CHRNA7: variants seen among roughly 807,000 people sequenced by gnomAD.
CHRNA7 encodes cholinergic receptor nicotinic alpha 7 subunit, also known as neuronal acetylcholine receptor subunit alpha-7.
A neutral mutation model predicts 48.0 loss-of-function variants in CHRNA7; 17 were observed. The observed-to-expected ratio is 0.35, with a 90% CI of 0.24 to 0.53. The LOEUF is 0.53. Among genes scored for constraint, CHRNA7 ranks in the 20% least tolerant of loss-of-function variants. The pLI is 0.92. For synonymous variants in CHRNA7, 75 were observed against 242.3 expected (o/e 0.31, Z 6.41); for missense variants, 155 against 577.7 (o/e 0.27, Z 7.50).
intron 2 of CHRNA7, among the ~76,000 whole-genome samples, chr15:32,085,048 C>T (rs140120619): frequency 9.2e-5 from 14 of 152,126 alleles, no homozygotes; most frequent in East Asian, 3.9e-4. Flanking sequence ...GGCCAGGCCT[C>T]GAACTCCTGA....
At chr15:32,069,533 A>T (rs1343216433) in intron 2 of CHRNA7, among the ~76,000 whole-genome samples, 1 of 151,460 alleles carries the variant, frequency 6.6e-6, no homozygotes, top group Non-Finnish European at 1.5e-5. Context: ...TGTAGTCCCA[A>T]CTCCTCAGGA....
intron 2 of CHRNA7, among the ~76,000 whole-genome samples, chr15:32,082,056 A>G (rs1009398559): frequency 1.3e-5 from 2 of 152,118 alleles, no homozygotes; most frequent in African/African-American, 4.8e-5. Flanking sequence ...GTGGTTTCCA[A>G]TGAATAATAC....
intron 3 of CHRNA7, among the ~76,000 whole-genome samples, chr15:32,107,662 G>A (rs972571692): frequency 1.3e-5 from 2 of 152,158 alleles, no homozygotes; most frequent in Admixed American, 6.5e-5. Context: ...ACAGGGCGTC[G>A]TGGCCGCAAG....
chr15:32,093,247 G>A (rs746322154), intron 2 of CHRNA7, among the ~76,000 whole-genome samples: 2 of 152,106 alleles, frequency 1.3e-5, no homozygotes, highest in South Asian at 2.1e-4. Context: ...ATTCAAGATC[G>A]ATTCCTTCTC....
chr15:32,149,254 G>C lies in CHRNA7; in HGVS notation c.351-4653G>C, dbSNP rs150366415. ...ACACACAGAAGAGGAGTGAGGAGGA[G>C]AATGAATCCCTGCAGCCCTACCCCT... is the stretch of plus-strand genomic sequence containing the variant. On this transcript the variant is annotated intron_variant, in intron 4 of 9. Transcript: ENST00000306901. This position sits in a 1 kb window ranked among gnomAD's most constrained non-coding sequence, Gnocchi z 4.6. Among the ~76,000 whole-genome samples the C allele has an allele frequency of 5.4e-4, 83 of 152,352 alleles. No individual in the cohort carries two copies. The highest frequency in any genetic ancestry group is 1.8e-3 in the African/African-American group (76 of 41,584).
rs2051480501 is a variant in CHRNA7, at chr15:32,145,971, T to C, written c.351-7936T>C. 2.0e-5 allele frequency among the ~76,000 whole-genome samples: 3 copies of C among 152,296 alleles called. No individual in the cohort carries two copies. The South Asian group carries it at 6.2e-4, about 32-fold the overall frequency. On this transcript the variant is annotated intron_variant, in intron 4 of 9. Coordinates refer to ENST00000306901, the MANE Select transcript of CHRNA7 (RefSeq NM_000746.6). ...CAATGAGATGAACCAGGTACCTCAG[T>C]TGGAGAAATCACCCATCTTCTGCGT...
chr15:32,076,776 A>G (rs1229510577), intron 2 of CHRNA7, among the ~76,000 whole-genome samples: 1 of 152,126 alleles, frequency 6.6e-6, no homozygotes, highest in Non-Finnish European at 1.5e-5. Flanking sequence ...ACACTGACAC[A>G]TCATTGTCAC....
chr15:32,040,604 G>A (rs11857414), intron 2 of CHRNA7, among the ~76,000 whole-genome samples: 4 of 150,148 alleles, frequency 2.7e-5, no homozygotes, highest in East Asian at 1.9e-4. Context: ...GTATATGTGT[G>A]TATGTGTGTG....
intron 2 of CHRNA7, among the ~76,000 whole-genome samples, chr15:32,091,170 A>G (rs1338819061): frequency 1.3e-5 from 2 of 152,114 alleles, no homozygotes; most frequent in Non-Finnish European, 2.9e-5. Flanking sequence ...CACGTTAAAC[A>G]TATTTATTCA....
At chr15:32,098,201 C>T in intron 2 of CHRNA7, among the ~76,000 whole-genome samples, 1 of 130,130 alleles carries the variant, frequency 7.7e-6, no homozygotes, top group South Asian at 2.8e-4. Context: ...CCCCCAGGTC[C>T]TCTGTGCAGA....
At chr15:32,156,520 C>CCGAGT (rs1190723307) in intron 5 of CHRNA7, 1 of 41,754 alleles carries the variant, frequency 2.4e-5, no homozygotes, top group African/African-American at 9.5e-5. Context: ...CACCTGGACA[C>CCGAGT]CGAGTCTGTG....
chr15:32,114,087 CAT>C (rs1228322285), intron 4 of CHRNA7, among the ~76,000 whole-genome samples: 12 of 93,344 alleles, frequency 1.3e-4, no homozygotes, highest in Non-Finnish European at 2.7e-4. Flanking sequence ...CACATACATA[CAT>C]ACACACACAC....
intron 2 of CHRNA7, among the ~76,000 whole-genome samples, chr15:32,087,369 C>T (rs369147137): frequency 2.0e-5 from 3 of 151,836 alleles, no homozygotes; most frequent in African/African-American, 7.3e-5. Context: ...CAGTATGTTC[C>T]AGGTTCATCT....
At chr15:32,044,253 C>CTCCTTCCTTCCTTCCTTCCTTCCT (rs10638387) in intron 2 of CHRNA7, among the ~76,000 whole-genome samples, 7,687 of 140,886 alleles carry the variant, frequency 0.055, 345 homozygotes, top group Non-Finnish European at 0.074. Context: ...CGATCTTTTC[C>CTCCTTCCTTCCTTCCTTCCTTCCT]TCCTTCCTTC....
intron 2 of CHRNA7, among the ~76,000 whole-genome samples, chr15:32,096,547 C>T (rs2050472059): frequency 6.6e-6 from 1 of 151,830 alleles, no homozygotes; most frequent in Non-Finnish European, 1.5e-5. Flanking sequence ...TTATATTATC[C>T]AGCTATTTTC....
At chr15:32,068,615 C>T (rs773420148) in intron 2 of CHRNA7, among the ~76,000 whole-genome samples, 44 of 151,480 alleles carry the variant, frequency 2.9e-4, no homozygotes, top group Non-Finnish European at 4.4e-4. Flanking sequence ...CCCAGCTATT[C>T]GGGAGGCTGA....
At chr15:32,131,893 C>A (rs978478218) in intron 4 of CHRNA7, among the ~76,000 whole-genome samples, 5 of 152,170 alleles carry the variant, frequency 3.3e-5, no homozygotes, top group African/African-American at 1.2e-4. Context: ...CCCACTCAGC[C>A]TCTGTTGACA....
intron 2 of CHRNA7, among the ~76,000 whole-genome samples, chr15:32,040,602 GTGTA>G (rs767064155): frequency 2.4e-3 from 222 of 92,550 alleles, no homozygotes; most frequent in Middle Eastern, 4.9e-3. Flanking sequence ...GTGTATATGT[GTGTA>G]TGTGTGTGTG....
At chr15:32,104,248 G>A (rs2050622764) in intron 3 of CHRNA7, among the ~76,000 whole-genome samples, 1 of 151,734 alleles carries the variant, frequency 6.6e-6, no homozygotes, top group Non-Finnish European at 1.5e-5. Flanking sequence ...CTTGTTGGGT[G>A]ACACACACGT....
Sources: allele counts gnomAD v4.1 joint callset (sites outside exome capture counted in the v4.1 genomes callset), GRCh38; gene constraint gnomAD v4.1.1; non-coding constraint Gnocchi (gnomAD v3.1); transcripts MANE v1.5; gene names NCBI Gene and HGNC (gene_info 2026-07-23, HGNC 2026-07-21).